The following PHF14 variants were observed in gnomAD, a reference collection of about 807,000 sequenced individuals.
PHF14 encodes PHD finger protein 14.
A neutral mutation model predicts 117.9 loss-of-function variants in PHF14; 55 were observed. The ratio of observed to expected loss-of-function variants is 0.47; its 90% confidence interval spans 0.38 to 0.58. PHF14 has a LOEUF of 0.58. PHF14 is among the 20% of genes least tolerant of loss of function. The probability of loss-of-function intolerance (pLI) is 0.00; values close to 1 mark genes in which losing one functional copy is unlikely to be tolerated. For missense variants in PHF14, 978 were observed against 1,122.2 expected, an observed-to-expected ratio of 0.87 and a Z score of 1.84; for synonymous variants, 409 against 368.6, an observed-to-expected ratio of 1.11 and a Z score of -1.26.
chr7:11,108,572 C>T (rs1006076612), intron 16 of PHF14: 1 of 151,710 alleles, frequency 6.6e-6, no homozygotes, highest in Admixed American at 6.6e-5. Flanking sequence ...AAAGGTATCA[C>T]TAATGAAGGA....
intron 3 of PHF14, among the ~76,000 whole-genome samples, chr7:10,984,123 A>T (rs1040054801): frequency 6.6e-6 from 1 of 152,200 alleles, no homozygotes; most frequent in East Asian, 1.9e-4. Context: ...TCACTGAAGT[A>T]AGTTAAACGG....
At chr7:11,045,046 A>G (rs1406035023) in intron 13 of PHF14, among the ~76,000 whole-genome samples, 2 of 152,144 alleles carry the variant, frequency 1.3e-5, no homozygotes, top group Non-Finnish European at 2.9e-5. Context: ...GATAGTTGCT[A>G]CTACACACCC....
chr7:11,106,793 C>G (rs1436935563), intron 16 of PHF14: 2 of 984,322 alleles, frequency 2.0e-6, no homozygotes, highest in Non-Finnish European at 2.4e-6. Flanking sequence ...GTTGGAAAAT[C>G]CAACCCATCA....
chr7:11,123,088 A>G (rs1787822746), intron 17 of PHF14, among the ~76,000 whole-genome samples: 1 of 151,708 alleles, frequency 6.6e-6, no homozygotes, highest in African/African-American at 2.4e-5. Context: ...GGTTTTTTTG[A>G]TAGGCTTCTC....
chr7:10,982,670 A>C lies in PHF14; in HGVS notation c.411A>C (p.Lys137Asn). 1 of 1,582,648 alleles carries C rather than the reference A, an allele frequency of 6.3e-7. No individual in the cohort carries two copies. The highest frequency in any genetic ancestry group is 8.6e-7 in the Non-Finnish European group (1 of 1,163,930). The change falls in exon 3 of 18, where the codon AAA becomes AAC. Residue 137 changes from lysine (K) to asparagine (N), a missense_variant. Coordinates refer to ENST00000634607, the MANE Select transcript of PHF14 (RefSeq NM_001007157.2). ...AGGAAAGAGAGAAGGAAAAAGAAAA[A>C]GCAACAGTATCTGAGAATGTGGCTG... The part of the protein sequence containing the change: ...KEKEREKEKE[K>N]ATVSENVAAS...
intron 16 of PHF14, among the ~76,000 whole-genome samples, chr7:11,099,649 G>A (rs1787011466): frequency 6.6e-6 from 1 of 152,080 alleles, no homozygotes; most frequent in South Asian, 2.1e-4. Context: ...CATTTGGAAA[G>A]ACTGAGACTC....
Position 11,063,355 on chromosome 7 carries a change from A to G in PHF14, c.2654+1270A>G, listed in dbSNP as rs550811961. On this transcript the variant is annotated intron_variant, in intron 16 of 17. Coordinates refer to ENST00000634607, the MANE Select transcript of PHF14 (RefSeq NM_001007157.2). ...TTCTGACCACAGTATAAATTTTGCA[A>G]TATGTCGAAAATGAAATCCCAAGCA... 35 of 984,298 alleles carry G rather than the reference A, an allele frequency of 3.6e-5. No individual in the cohort carries two copies. In the African/African-American group the frequency reaches 4.0e-4, roughly 11 times the overall value. 61.0% of individuals were successfully genotyped at this position (984,298 alleles called of 1,614,324 possible).
intron 17 of PHF14, among the ~76,000 whole-genome samples, chr7:11,156,627 C>T (rs374071167): frequency 6.6e-6 from 1 of 152,032 alleles, no homozygotes; most frequent in African/African-American, 2.4e-5. Context: ...AACCCTATCT[C>T]TACTAAAAAA....
intron 4 of PHF14, among the ~76,000 whole-genome samples, chr7:11,007,289 T>G (rs1783154378): frequency 6.6e-6 from 1 of 152,166 alleles, no homozygotes; most frequent in South Asian, 2.1e-4. Flanking sequence ...TCTTTGTCTG[T>G]TATATGTGTT....
At chr7:11,015,133 A>G (rs901550702) in intron 5 of PHF14, 1 of 152,164 alleles carries the variant, frequency 6.6e-6, no homozygotes, top group African/African-American at 2.4e-5. Context: ...ATCATTTCCC[A>G]TATTTTAACA....
At chr7:11,149,810 A>AT (rs61698202) in intron 17 of PHF14, among the ~76,000 whole-genome samples, 51,066 of 151,274 alleles carry the variant, frequency 0.34, 9,308 homozygotes, top group East Asian at 0.72. Context: ...GTTTCAGTTG[A>AT]TTTTTTTTTA....
chr7:11,041,024 T>A (rs1784488150), intron 12 of PHF14, among the ~76,000 whole-genome samples: 1 of 151,994 alleles, frequency 6.6e-6, no homozygotes, highest in Non-Finnish European at 1.5e-5. Flanking sequence ...TTACTTTAGA[T>A]AACATTATAG....
chr7:11,013,743 T>G lies in PHF14; in HGVS notation c.1046-4T>G, dbSNP rs1440067201. 6.6e-7 allele frequency: 1 copy of G among 1,508,562 alleles called. No homozygotes were observed. Among genetic ancestry groups the G allele is most frequent in the Non-Finnish European group, 9.0e-7 (1 of 1,111,076 alleles). The allele number at this position is 1,508,562 out of a possible 1,614,324, so 93.4% of individuals were successfully genotyped here. A position where few individuals can be genotyped will look rare whatever the true frequency, so the allele number is the denominator to read the frequency against. ...TTTAATCATAGTGTTTTTGTTTTTT[T>G]TAGGTTGTTATGGAGTTGATGGAGA... On this transcript the variant is annotated splice_polypyrimidine_tract_variant and splice_region_variant and intron_variant, in intron 4 of 17. Coordinates refer to ENST00000634607, the MANE Select transcript of PHF14 (RefSeq NM_001007157.2).
Position 11,122,348 on chromosome 7 carries a change from T to TACAC in PHF14, c.2772+10882_2772+10883insCACA, listed in dbSNP as rs1311000231. On this transcript the variant is annotated intron_variant, in intron 17 of 17. Coordinates refer to ENST00000634607, the MANE Select transcript of PHF14 (RefSeq NM_001007157.2). ...TGTACTTTTTATATATATATATATA[T>TACAC]ATATACACACACACACACACACACA... Among the ~76,000 whole-genome samples, 21 of 61,616 alleles carry TACAC rather than the reference T, an allele frequency of 3.4e-4. 1 individual carries two copies. In the East Asian group the frequency reaches 4.9e-3, roughly 14 times the overall value. 40.4% of individuals were successfully genotyped at this position (61,616 alleles called of 152,430 possible). A position where few individuals can be genotyped will look rare whatever the true frequency, so the allele number is the denominator to read the frequency against.
intron 17 of PHF14, among the ~76,000 whole-genome samples, chr7:11,129,957 T>G (rs1459734658): frequency 6.6e-6 from 1 of 151,944 alleles, no homozygotes; most frequent in Non-Finnish European, 1.5e-5. Flanking sequence ...TAAAGGCTAG[T>G]AGGATTTGAC....
At chr7:11,102,631 A>T in intron 16 of PHF14, 1 of 1,523,822 alleles carries the variant, frequency 6.6e-7, no homozygotes, top group Admixed American at 2.0e-5. Context: ...TGTCCTTTCT[A>T]TAAGCTTGTC....
intron 14 of PHF14, among the ~76,000 whole-genome samples, chr7:11,058,486 T>C (rs978926945): frequency 1.3e-5 from 2 of 152,216 alleles, no homozygotes; most frequent in South Asian, 4.1e-4. Flanking sequence ...AAATTCTCTT[T>C]TATTTTTTTC....
intron 2 of PHF14, among the ~76,000 whole-genome samples, chr7:10,981,439 G>A (rs1782040908): frequency 6.6e-6 from 1 of 152,130 alleles, no homozygotes; most frequent in African/African-American, 2.4e-5. Flanking sequence ...TGATTACTGA[G>A]TACTTACTGA....
intron 7 of PHF14, among the ~76,000 whole-genome samples, chr7:11,029,790 A>T (rs956628806): frequency 6.6e-6 from 1 of 152,070 alleles, no homozygotes; most frequent in African/African-American, 2.4e-5. Flanking sequence ...ATGAATGTTT[A>T]TTTAGTAATT....
Sources: gnomAD v4.1 joint callset for allele counts (sites outside exome capture counted in the v4.1 genomes callset) on GRCh38, gnomAD v4.1.1 for gene constraint, MANE v1.5 for transcripts, NCBI Gene and HGNC (gene_info 2026-07-23, HGNC 2026-07-21) for gene names.